Variants in MYH3 observed in about 807,000 individuals in gnomAD.
MYH3 encodes the protein myosin-3.
Under a neutral mutation model 238.0 loss-of-function variants are expected in MYH3, and 130 were observed. That is an observed-to-expected ratio of 0.55 (90% CI 0.47 to 0.63). The LOEUF (loss-of-function observed/expected upper bound fraction) is 0.63. Among genes scored for constraint, MYH3 ranks in the 30% least tolerant of loss-of-function variants. MYH3 has a pLI of 0.00. For synonymous variants in MYH3, 880 were observed against 924.1 expected (o/e 0.95, Z 0.86); for missense variants, 1,853 against 2,374.9 (o/e 0.78, Z 4.57).
At chr17:10,657,862 G>T (rs2074449381), upstream of MYH3, among the ~76,000 whole-genome samples, 1 of 151,556 alleles carries the variant, frequency 6.6e-6, no homozygotes, top group Non-Finnish European at 1.5e-5. Flanking sequence ...CTCCCCCCTT[G>T]CCCTCTTCTC....
the MYH3 span, chr17:10,674,647 C>T: frequency 1.3e-5 from 2 of 153,476 alleles, no homozygotes; most frequent in Non-Finnish European, 2.9e-5. Context: ...ACAGTGAGGA[C>T]ATACCAGATG....
In MYH3 at chr17:10,641,389, AT is replaced by A; in HGVS notation, c.1960-18del. On this transcript the variant is annotated intron_variant, in intron 17 of 40. Coordinates refer to ENST00000583535, the MANE Select transcript of MYH3 (RefSeq NM_002470.4). ...CAGGTTTTCCTAAGAGAAAAAAAAAATGACATTTGCCATCCTACTGTAGGTT... is the reference window on the plus strand; with the variant it reads ...CAGGTTTTCCTAAGAGAAAAAAAAAAGACATTTGCCATCCTACTGTAGGTT... The A allele has an allele frequency of 8.5e-7, 1 of 1,169,642 alleles. No individual in the cohort carries two copies. The highest frequency in any genetic ancestry group is 1.3e-6 in the Non-Finnish European group (1 of 769,718). 72.5% of individuals were successfully genotyped at this position (1,169,642 alleles called of 1,614,324 possible).
chr17:10,631,582 C>G, intron 36 of MYH3, 29 bp downstream of exon 36: 3 of 1,614,144 alleles, frequency 1.9e-6, no homozygotes, highest in African/African-American at 1.3e-5. Flanking sequence ...TCCCGGCAGC[C>G]CGAGGGCAGC....
intron 27 of MYH3, 49 bp downstream of exon 27, chr17:10,637,994 G>A (rs376714532): frequency 1.3e-5 from 21 of 1,613,922 alleles, no homozygotes; most frequent in Admixed American, 5.0e-5. Context: ...CAATGACCAC[G>A]GAGTGTGTCT....
chr17:10,630,071 T>C, intron 38 of MYH3, 21 bp downstream of exon 38: 1 of 1,611,100 alleles, frequency 6.2e-7, no homozygotes, highest in Non-Finnish European at 8.5e-7. Context: ...GACACGATCA[T>C]GGCGTTTGCG....
At chr17:10,652,043 C>G (rs1480809399) in intron 4 of MYH3, 1 of 387,382 alleles carries the variant, frequency 2.6e-6, no homozygotes, top group Non-Finnish European at 4.9e-6. Flanking sequence ...ACCCAGCTGC[C>G]TTTATTATTA....
upstream of MYH3, among the ~76,000 whole-genome samples, chr17:10,660,120 G>A (rs1158180497): frequency 1.3e-5 from 2 of 152,210 alleles, no homozygotes; most frequent in African/African-American, 2.4e-5. Context: ...TTGAGCCTTC[G>A]TCTTCTCCTC....
Position 10,631,655 on chromosome 17 carries a change from C to T in MYH3, c.5242G>A (p.Asp1748Asn), listed in dbSNP as rs1397687931. ...LQSEVEDASRDARNAEEKAKK... is the reference protein window; with the variant it reads ...LQSEVEDASRNARNAEEKAKK... ...GCCTTCTCCTCAGCGTTCCTTGCAT[C>T]CCTGCTGGCATCTTCTACCTCACTC... Residue 1748 changes from aspartate (D) to asparagine (N), a missense_variant, in exon 36 of 41, where the codon GAT (aspartate) becomes AAT (asparagine). This residue lies in a region of MYH3 where 1,044 missense variants were observed against 1,192.6 expected (regional missense o/e 0.88). Transcript: ENST00000583535. 2.5e-6 allele frequency: 4 copies of T among 1,614,026 alleles called. No homozygotes were observed. The highest frequency in any genetic ancestry group is 3.4e-6 in the Non-Finnish European group (4 of 1,180,026).
At chr17:10,637,749 A>C in intron 28 of MYH3, 60 bp downstream of exon 28, 1 of 1,611,620 alleles carries the variant, frequency 6.2e-7, no homozygotes, top group Non-Finnish European at 8.5e-7. Flanking sequence ...GGTTTTGGCC[A>C]GCTACGCCCA....
the MYH3 span, among the ~76,000 whole-genome samples, chr17:10,671,625 G>A: frequency 7.1e-6 from 1 of 140,492 alleles, no homozygotes; most frequent in South Asian, 2.3e-4. Flanking sequence ...TGTCGCCCAG[G>A]CTGGAGTGCA....
intron 2 of MYH3, among the ~76,000 whole-genome samples, chr17:10,655,755 G>A (rs1210244519): frequency 6.6e-6 from 1 of 152,044 alleles, no homozygotes; most frequent in Non-Finnish European, 1.5e-5. Context: ...AGGTTCAAGC[G>A]ATACTCCTGC....
chr17:10,656,832 A>G (rs1394517806), intron 1 of MYH3, among the ~76,000 whole-genome samples: 1 of 152,202 alleles, frequency 6.6e-6, no homozygotes, highest in African/African-American at 2.4e-5. Context: ...CGCAATGCCC[A>G]CAGCCAGTGT....
rs1011279441 is a variant in MYH3, at chr17:10,629,654, G to A, written c.5739C>T (p.Ile1913=). 6.2e-6 allele frequency: 10 copies of A among 1,614,100 alleles called. No homozygotes were observed. Among genetic ancestry groups the A allele is most frequent in the African/African-American group, 1.3e-5 (1 of 74,938 alleles). ...ELEEAEERAD[I]AESQVNKLRA... ...GGAGCTTGTTGACTTGAGATTCTGCGATATCCGCACGTTCCTCGGCCTCCT... is the reference window on the plus strand; with the variant it reads ...GGAGCTTGTTGACTTGAGATTCTGCAATATCCGCACGTTCCTCGGCCTCCT... The change falls in exon 40 of 41, where the codon ATC becomes ATT. Residue 1913 remains isoleucine, a synonymous_variant. Transcript: ENST00000583535.
chr17:10,639,598 C>T lies in MYH3; in HGVS notation c.2887G>A (p.Ala963Thr), dbSNP rs1264242216. Residue 963 changes from alanine (A) to threonine (T), a missense_variant, in exon 23 of 41, where the codon GCC becomes ACC. Ala to Thr is a moderately conservative substitution (Grantham distance 58, BLOSUM62 0). This residue lies in a region of MYH3 where 1,044 missense variants were observed against 1,192.6 expected (regional missense o/e 0.88). Transcript: ENST00000583535. The stretch of plus-strand genomic sequence containing the variant: ...GCATGCTTCTCCTTCTCAACCTTGG[C>T]CAGGGTCAACTCAAGGTCATCAATG... ...KDIDDLELTLAKVEKEKHATE... is the reference protein window; with the variant it reads ...KDIDDLELTLTKVEKEKHATE... The T allele has an allele frequency of 1.9e-6, 3 of 1,614,094 alleles. No homozygotes were observed. Among genetic ancestry groups the T allele is most frequent in the Admixed American group, 1.7e-5 (1 of 60,006 alleles).
Position 10,630,087 on chromosome 17 carries a change from C to G in MYH3, c.5562+5G>C. ...ACACGATCATGGCGTTTGCGTTCCACTTACCTGGTACGTCAGCTCCTTGAC... is the reference window on the plus strand; with the variant it reads ...ACACGATCATGGCGTTTGCGTTCCAGTTACCTGGTACGTCAGCTCCTTGAC... On this transcript the variant is annotated splice_donor_5th_base_variant and intron_variant, in intron 38 of 40. Transcript: ENST00000583535. The G allele has an allele frequency of 6.2e-7, 1 of 1,613,578 alleles. No individual in the cohort carries two copies.
At chr17:10,657,074 T>C (rs1416475795) in intron 1 of MYH3, among the ~76,000 whole-genome samples, 1 of 152,006 alleles carries the variant, frequency 6.6e-6, no homozygotes, top group Admixed American at 6.6e-5. Context: ...GGGCTCCTGC[T>C]TGGGGGAGGT....
In MYH3 at chr17:10,635,406, G is replaced by A. The variant is rs1360973287; in HGVS notation, c.4133C>T (p.Thr1378Met). 14 of 1,614,020 alleles carry A rather than the reference G, an allele frequency of 8.7e-6. No homozygotes were observed. Among genetic ancestry groups the A allele is most frequent in the African/African-American group, 2.7e-5 (2 of 75,072 alleles). ...EVAQWRTKYE[T>M]DAIQRTEELE... Reference sequence around the variant, plus strand: ...CTCTTCTGTGCGCTGGATGGCGTCCGTCTCGTATTTGGTTCTCCACTGGGC... The same window carrying A: ...CTCTTCTGTGCGCTGGATGGCGTCCATCTCGTATTTGGTTCTCCACTGGGC... The change falls in exon 30 of 41, where the codon ACG (threonine) becomes ATG (methionine). Residue 1378 changes from threonine (T) to methionine (M), a missense_variant. Coordinates refer to ENST00000583535, the MANE Select transcript of MYH3 (RefSeq NM_002470.4).
rs1453248485 is a variant in MYH3, at chr17:10,639,731, G to C, written c.2754C>G (p.Ala918=). The change falls in exon 23 of 41, where the codon GCC becomes GCG. Residue 918 remains alanine, a synonymous_variant. Transcript: ENST00000583535. ...QLIKAKFQLE[A]KIKEVTERAE... is the part of the protein sequence containing the mutation. ...CTCTCTCTGTCACCTCCTTGATCTT[G>C]GCCTCGAGCTGGAATTTGGCTTTGA... The C allele has an allele frequency of 6.2e-7, 1 of 1,613,448 alleles. No individual in the cohort carries two copies. The highest frequency in any genetic ancestry group is 2.2e-5 in the East Asian group (1 of 44,820).
chr17:10,649,951 T>A (rs558657157), intron 6 of MYH3, among the ~76,000 whole-genome samples: 13 of 152,226 alleles, frequency 8.5e-5, no homozygotes, highest in African/African-American at 2.6e-4. Flanking sequence ...TCTTTTTATT[T>A]TTTATTTATT....
Sources: allele counts gnomAD v4.1 joint callset (sites outside exome capture counted in the v4.1 genomes callset), GRCh38; gene constraint gnomAD v4.1.1; regional missense constraint gnomAD v4.1.1; transcripts MANE v1.5; gene names NCBI Gene and HGNC (gene_info 2026-07-23, HGNC 2026-07-21).